Variants in PSMD3 observed in about 807,000 individuals in gnomAD.
PSMD3 encodes proteasome 26S subunit, non-ATPase 3.
PSMD3 carries 5 observed loss-of-function variants against 62.8 expected under a neutral mutation model. The observed-to-expected ratio is 0.08, with a 90% CI of 0.04 to 0.17. PSMD3 has a LOEUF of 0.17. Among genes scored for constraint, PSMD3 ranks in the 10% least tolerant of loss-of-function variants. The pLI is 1.00. For missense variants in PSMD3, 524 were observed against 713.6 expected (o/e 0.73, Z 3.03); for synonymous variants, 265 against 283.9 (o/e 0.93, Z 0.67).
chr17:39,996,236 C>G lies in PSMD3; in HGVS notation c.1374C>G (p.Val458=). 1 of 1,614,096 alleles carries G rather than the reference C, an allele frequency of 6.2e-7. No individual in the cohort carries two copies. The part of the protein sequence containing the change: ...EASINHEKGY[V]QSKEMIDIYS... The stretch of plus-strand genomic sequence containing the variant: ...GCATCAACCACGAGAAGGGCTATGT[C>G]CAATCCAAGGAGATGATTGACATCT... Residue 458 remains valine (V), a synonymous_variant, in exon 10 of 12, where the codon GTC becomes GTG. Transcript: ENST00000264639. This position sits in a 1 kb window ranked among gnomAD's most constrained non-coding sequence, Gnocchi z 5.1.
rs779703168 is a variant in PSMD3, at chr17:39,984,420, C to G, written c.347C>G (p.Ala116Gly). The G allele has an allele frequency of 6.2e-7, 1 of 1,613,596 alleles. No individual in the cohort carries two copies. The highest frequency in any genetic ancestry group is 1.7e-5 in the Admixed American group (1 of 59,990). The change falls in exon 2 of 12, where the codon GCT becomes GGT. Residue 116 changes from alanine (A) to glycine (G), a missense_variant. Around this residue, in one of 4 missense-constraint regions of PSMD3, gnomAD observed 396 missense variants for 475.8 expected, o/e 0.83. Coordinates refer to ENST00000264639, the MANE Select transcript of PSMD3 (RefSeq NM_002809.4). ...CTCAACCACTATGTTCTGTATAAGG[C>G]TGTGCAGGGCTTCTTCACTTCAAAT... ...RRLNHYVLYK[A>G]VQGFFTSNNA... is the part of the protein sequence containing the mutation.
intron 6 of PSMD3, among the ~76,000 whole-genome samples, chr17:39,992,613 C>T (rs537292302): frequency 1.3e-5 from 2 of 152,328 alleles, no homozygotes; most frequent in South Asian, 2.1e-4. Flanking sequence ...ACTTGAATGT[C>T]TCTCTCCGCC....
chr17:39,997,595 G>T lies in PSMD3; in HGVS notation c.*14G>T. On this transcript the variant is annotated 3_prime_UTR_variant, in exon 12 of 12. Coordinates refer to ENST00000264639, the MANE Select transcript of PSMD3 (RefSeq NM_002809.4). Reference sequence around the variant, plus strand: ...AGCTTCCCTTGAGCTGGGGGGCTGGGGAGGGGTAGGGGGAATGGGGACAGG... The same window carrying T: ...AGCTTCCCTTGAGCTGGGGGGCTGGTGAGGGGTAGGGGGAATGGGGACAGG... 2 of 1,610,464 alleles carry T rather than the reference G, an allele frequency of 1.2e-6. No homozygotes were observed. The highest frequency in any genetic ancestry group is 1.7e-6 in the Non-Finnish European group (2 of 1,177,310).
intron 1 of PSMD3, among the ~76,000 whole-genome samples, chr17:39,984,005 C>T (rs934921299): frequency 1.8e-4 from 28 of 152,050 alleles, no homozygotes; most frequent in African/African-American, 6.8e-4. Context: ...CGAGACCATC[C>T]TGGCTAACAC....
chr17:39,993,442 GTC>G (rs1980706854), intron 6 of PSMD3: 1 of 152,200 alleles, frequency 6.6e-6, no homozygotes, highest in African/African-American at 2.4e-5. Flanking sequence ...CACTCCCCAT[GTC>G]TCTCTCTACA....
chr17:39,997,469 T>G lies in PSMD3; in HGVS notation c.1528-35T>G. 2.5e-6 allele frequency: 4 copies of G among 1,604,488 alleles called. No individual in the cohort carries two copies. In the South Asian group the frequency reaches 4.4e-5, roughly 18 times the overall value. On this transcript the variant is annotated intron_variant, in intron 11 of 11. Transcript: ENST00000264639. Reference sequence around the variant, plus strand: ...CGAGTGTCTGGAAGGGCTGAGCTGCTCTGAAGCTTTGGCCTCACTTGCCTC... The same window carrying G: ...CGAGTGTCTGGAAGGGCTGAGCTGCGCTGAAGCTTTGGCCTCACTTGCCTC...
rs746544593 is a variant in PSMD3 at position 39,995,238 on chromosome 17, C to G, written c.1159C>G (p.Gln387Glu). The G allele has an allele frequency of 1.9e-6, 3 of 1,614,074 alleles. No individual in the cohort carries two copies. Among genetic ancestry groups the G allele is most frequent in the South Asian group, 2.2e-5 (2 of 91,074 alleles). ...QVLDQFGEKF[Q>E]ADGTYTLIIR... Reference sequence around the variant, plus strand: ...CCTGGATCAGTTTGGGGAGAAGTTTCAAGCAGATGGGACCTACACCCTAAT... The same window carrying G: ...CCTGGATCAGTTTGGGGAGAAGTTTGAAGCAGATGGGACCTACACCCTAAT... Residue 387 changes from glutamine (Q) to glutamate (E), a missense_variant, in exon 8 of 12, where the codon CAA (glutamine) becomes GAA (glutamate). Transcript: ENST00000264639. This position sits in a 1 kb window ranked among gnomAD's most constrained non-coding sequence, Gnocchi z 4.1.
At chr17:39,987,049 A>G (rs987761311) in intron 3 of PSMD3, among the ~76,000 whole-genome samples, 4 of 152,222 alleles carry the variant, frequency 2.6e-5, no homozygotes, top group African/African-American at 7.2e-5. Flanking sequence ...TCTCCCAGCT[A>G]TATGTAAGAT....
chr17:39,985,128 T>C (rs987809308), intron 2 of PSMD3, among the ~76,000 whole-genome samples: 1 of 152,136 alleles, frequency 6.6e-6, no homozygotes, highest in Non-Finnish European at 1.5e-5. Flanking sequence ...CTCGGGAGGC[T>C]GAGGCAGGAG....
intron 6 of PSMD3, among the ~76,000 whole-genome samples, chr17:39,992,497 G>A (rs1479987131): frequency 2.6e-5 from 4 of 152,218 alleles, no homozygotes; most frequent in Admixed American, 2.0e-4. Context: ...GGTGATGCCA[G>A]TGCTGCTGGT....
At chr17:39,993,157 C>T (rs1187407975) in intron 6 of PSMD3, 3 of 152,150 alleles carry the variant, frequency 2.0e-5, no homozygotes, top group Non-Finnish European at 4.4e-5. Context: ...TGTCGATGGC[C>T]GTCTCCTGGT....
chr17:39,988,051 G>A (rs971161593), intron 3 of PSMD3, among the ~76,000 whole-genome samples: 7 of 152,354 alleles, frequency 4.6e-5, no homozygotes, highest in East Asian at 3.9e-4. Flanking sequence ...AGGTTGTGGT[G>A]AGCCGGGATT....
rs138420652 is a variant in PSMD3 at position 39,985,418 on chromosome 17, C to T, written c.411+934C>T. On this transcript the variant is annotated intron_variant, in intron 2 of 11. Transcript: ENST00000264639. ...AAAGCTCCTAGAGCAGTGCCTGGTA[C>T]GTAGTGAATGCAGACGAAGTCAGTT... is the stretch of plus-strand genomic sequence containing the variant. 2.1e-3 allele frequency among the ~76,000 whole-genome samples: 318 copies of T among 152,278 alleles called. 2 individuals carry two copies. Among genetic ancestry groups the T allele is most frequent in the African/African-American group, 7.1e-3 (297 of 41,560 alleles).
intron 4 of PSMD3, 131 bp from the exon 5 acceptor site, chr17:39,989,608 A>T: frequency 1.1e-6 from 1 of 873,672 alleles, no homozygotes; most frequent in Non-Finnish European, 1.7e-6. Context: ...TCGATAGTTA[A>T]CAGTATTCAG....
intron 5 of PSMD3, 68 bp downstream of exon 5, chr17:39,989,997 G>A: frequency 6.3e-7 from 1 of 1,577,648 alleles, no homozygotes; most frequent in Non-Finnish European, 8.6e-7. Flanking sequence ...ATTTTCCAAG[G>A]GGTGGTGCAT....
In PSMD3 at chr17:39,996,435, C is replaced by G; in HGVS notation, c.1476+97C>G. On this transcript the variant is annotated intron_variant, in intron 10 of 11. Coordinates refer to ENST00000264639, the MANE Select transcript of PSMD3 (RefSeq NM_002809.4). This position sits in a 1 kb window ranked among gnomAD's most constrained non-coding sequence, Gnocchi z 5.1. ...AGAGAAGACTGGCTTAATTTGTGGC[C>G]CACGTCCCAGCCAATCTCTGTAAAA... 6.8e-7 allele frequency: 1 copy of G among 1,463,766 alleles called. No individual in the cohort carries two copies. The highest frequency in any genetic ancestry group is 2.3e-5 in the East Asian group (1 of 43,990). 90.7% of individuals were successfully genotyped at this position (1,463,766 alleles called of 1,614,324 possible).
At chr17:39,988,901 G>C (rs1980589599) in intron 4 of PSMD3, 82 bp downstream of exon 4, 3 of 1,538,364 alleles carry the variant, frequency 2.0e-6, no homozygotes, top group Non-Finnish European at 2.7e-6. Flanking sequence ...TGGATCTGCA[G>C]AGGGCGAAGA....
At chr17:39,985,723 T>C (rs1980509714) in intron 2 of PSMD3, among the ~76,000 whole-genome samples, 2 of 152,356 alleles carry the variant, frequency 1.3e-5, no homozygotes, top group Admixed American at 1.3e-4. Context: ...TTTTCTGACC[T>C]TCACATCGCT....
intron 6 of PSMD3, among the ~76,000 whole-genome samples, chr17:39,992,349 G>T (rs982221167): frequency 6.6e-6 from 1 of 152,118 alleles, no homozygotes; most frequent in African/African-American, 2.4e-5. Context: ...TTGGGAGAAG[G>T]CCTGCAACCA....
Sources: gnomAD v4.1 joint callset for allele counts (sites outside exome capture counted in the v4.1 genomes callset) on GRCh38, gnomAD v4.1.1 for gene constraint, gnomAD v4.1.1 regional missense constraint, Gnocchi (gnomAD v3.1) non-coding constraint, MANE v1.5 for transcripts, NCBI Gene and HGNC (gene_info 2026-07-23, HGNC 2026-07-21) for gene names.